The following TBC1D5 variants were observed in gnomAD, a reference collection of about 807,000 sequenced individuals.
The protein encoded by TBC1D5 is TBC1 domain family member 5.
In TBC1D5, 75 loss-of-function variants were observed where a neutral mutation model predicts 100.3. The observed-to-expected ratio is 0.75, with a 90% CI of 0.62 to 0.91. TBC1D5 has a LOEUF of 0.91. Among genes scored for constraint, TBC1D5 ranks in the 40% least tolerant of loss-of-function variants. The pLI, the probability that TBC1D5 is intolerant of heterozygous loss-of-function variation, is 0.00. For synonymous variants in TBC1D5, 323 were observed against 325.6 expected, an observed-to-expected ratio of 0.99 and a Z score of 0.09; for missense variants, 910 against 942.4, an observed-to-expected ratio of 0.97 and a Z score of 0.45.
At chr3:17,349,555 C>T (rs1310236681) in intron 13 of TBC1D5, among the ~76,000 whole-genome samples, 1 of 152,074 alleles carries the variant, frequency 6.6e-6, no homozygotes, top group Non-Finnish European at 1.5e-5. Context: ...AATACAAGTA[C>T]AAGAAGCTTA....
intron 4 of TBC1D5, among the ~76,000 whole-genome samples, chr3:17,421,227 T>C (rs1018755741): frequency 5.9e-5 from 9 of 152,180 alleles, no homozygotes; most frequent in African/African-American, 2.2e-4. Context: ...GATTTTTCTT[T>C]ACTCAAAAGA....
chr3:17,510,284 C>T (rs1212961631), intron 2 of TBC1D5, among the ~76,000 whole-genome samples: 2 of 151,966 alleles, frequency 1.3e-5, no homozygotes. Context: ...AAACCATCAC[C>T]TAGTAAAATA....
intron 1 of TBC1D5, among the ~76,000 whole-genome samples, chr3:17,712,917 C>G (rs1162054212): frequency 1.3e-5 from 2 of 152,178 alleles, no homozygotes; most frequent in East Asian, 3.8e-4. Context: ...CTCTCCATCC[C>G]AGTGTCAAAA....
intron 15 of TBC1D5, among the ~76,000 whole-genome samples, chr3:17,263,543 G>C (rs1291575574): frequency 6.6e-6 from 1 of 152,082 alleles, no homozygotes; most frequent in Non-Finnish European, 1.5e-5. Context: ...AACTGCCCAA[G>C]TATCACTCAA....
chr3:17,437,713 G>T (rs1432287381), intron 3 of TBC1D5, among the ~76,000 whole-genome samples: 4 of 140,860 alleles, frequency 2.8e-5, no homozygotes, highest in African/African-American at 1.0e-4. Context: ...AGTAGCGGGG[G>T]AAGTGAAGGC....
intron 1 of TBC1D5, among the ~76,000 whole-genome samples, chr3:17,726,302 T>C (rs2076124835): frequency 6.6e-6 from 1 of 152,252 alleles, no homozygotes; most frequent in African/African-American, 2.4e-5. Context: ...TTTTCCACAA[T>C]GGCTAAACTA....
chr3:17,478,770 A>G (rs751313610), intron 3 of TBC1D5, among the ~76,000 whole-genome samples: 25 of 152,192 alleles, frequency 1.6e-4, no homozygotes, highest in Admixed American at 3.9e-4. Flanking sequence ...GTTTACTTGG[A>G]AAGCTGACAT....
chr3:17,542,005 T>A (rs774706890), intron 2 of TBC1D5, among the ~76,000 whole-genome samples: 1 of 152,194 alleles, frequency 6.6e-6, no homozygotes, highest in African/African-American at 2.4e-5. Context: ...ACATCAATTA[T>A]GACCAAGGGT....
Position 17,705,550 on chromosome 3 carries a change from C to T in TBC1D5, c.-101+33793G>A, listed in dbSNP as rs566864547. On this transcript the variant is annotated intron_variant, in intron 1 of 21. Coordinates refer to ENST00000253692, the Ensembl canonical transcript of TBC1D5. ...CTCAGACGGGGCGGCCGGGCAGAGA[C>T]GCTCCTCACCTCCCAGACGGGGTCT... is the stretch of plus-strand genomic sequence containing the variant. Among the ~76,000 whole-genome samples, 8 of 143,654 alleles carry T rather than the reference C, an allele frequency of 5.6e-5. No individual in the cohort carries two copies. In the South Asian group the frequency reaches 9.5e-4, roughly 17 times the overall value. 94.2% of individuals were successfully genotyped at this position (143,654 alleles called of 152,430 possible).
chr3:17,413,128 G>A (rs1425916263), intron 4 of TBC1D5, among the ~76,000 whole-genome samples: 1 of 152,158 alleles, frequency 6.6e-6, no homozygotes, highest in Non-Finnish European at 1.5e-5. Context: ...GTGCCACCTA[G>A]TGGCAATTAC....
intron 3 of TBC1D5, chr3:17,465,310 C>A: frequency 5.8e-6 from 1 of 173,542 alleles, no homozygotes; most frequent in South Asian, 1.4e-4. Flanking sequence ...GAGGGGAACT[C>A]CAGAACTGTG....
chr3:17,361,916 A>G (rs2091754619), intron 13 of TBC1D5, among the ~76,000 whole-genome samples: 1 of 152,234 alleles, frequency 6.6e-6, no homozygotes, highest in East Asian at 1.9e-4. Flanking sequence ...AGAAAGAAAA[A>G]GAGAAAGGGA....
chr3:17,276,009 T>C (rs2079964758), intron 15 of TBC1D5, among the ~76,000 whole-genome samples: 1 of 152,102 alleles, frequency 6.6e-6, no homozygotes, highest in Admixed American at 6.6e-5. Context: ...TCATTGTAAG[T>C]GATCTGATAA....
intron 16 of TBC1D5, among the ~76,000 whole-genome samples, chr3:17,254,479 T>C (rs2077453238): frequency 6.6e-6 from 1 of 152,182 alleles, no homozygotes; most frequent in Non-Finnish European, 1.5e-5. Context: ...TTGAACATCT[T>C]TTCATAGCAC....
At chr3:17,667,287 C>CTAA (rs1331604017) in intron 1 of TBC1D5, among the ~76,000 whole-genome samples, 1 of 152,002 alleles carries the variant, frequency 6.6e-6, no homozygotes, top group Non-Finnish European at 1.5e-5. Flanking sequence ...TCAAAAGCCT[C>CTAA]CAACTTATAA....
At chr3:17,536,484 C>T (rs1007251305) in intron 2 of TBC1D5, among the ~76,000 whole-genome samples, 1 of 152,158 alleles carries the variant, frequency 6.6e-6, no homozygotes, top group Non-Finnish European at 1.5e-5. Flanking sequence ...TCATCTATCT[C>T]CATAACTTCT....
At chr3:17,599,201 G>A (rs2060770584) in intron 2 of TBC1D5, among the ~76,000 whole-genome samples, 2 of 152,082 alleles carry the variant, frequency 1.3e-5, no homozygotes, top group African/African-American at 4.8e-5. Flanking sequence ...CTCAAGCCTG[G>A]AAACCACAGC....
intron 16 of TBC1D5, among the ~76,000 whole-genome samples, chr3:17,241,541 A>G (rs1016296741): frequency 7.9e-5 from 12 of 152,344 alleles, no homozygotes; most frequent in African/African-American, 2.9e-4. Flanking sequence ...TTTAGGAGAG[A>G]TCATTTTAAA....
intron 4 of TBC1D5, among the ~76,000 whole-genome samples, chr3:17,419,742 C>A (rs2094163869): frequency 6.6e-6 from 1 of 152,128 alleles, no homozygotes; most frequent in African/African-American, 2.4e-5. Context: ...GTGGCATGAT[C>A]ACAGCTCACT....
Sources: allele counts gnomAD v4.1 joint callset (sites outside exome capture counted in the v4.1 genomes callset), GRCh38; gene constraint gnomAD v4.1.1; transcripts MANE v1.5; gene names NCBI Gene and HGNC (gene_info 2026-07-23, HGNC 2026-07-21).